PACRGL: variants seen among roughly 807,000 people sequenced by gnomAD.
PACRGL encodes parkin coregulated like, also known as PACRG-like protein.
Under a neutral mutation model 34.5 loss-of-function variants are expected in PACRGL, and 38 were observed. That is an observed-to-expected ratio of 1.10 (90% CI 0.85 to 1.44). The LOEUF (loss-of-function observed/expected upper bound fraction) is 1.44, where lower values mean the gene tolerates loss of function less well. Among genes scored for constraint, PACRGL ranks in the 40% most tolerant of loss-of-function variants. The probability of loss-of-function intolerance (pLI) is 0.00; values close to 1 mark genes in which losing one functional copy is unlikely to be tolerated. For synonymous variants in PACRGL, 128 were observed against 100.1 expected, an observed-to-expected ratio of 1.28 and a Z score of -1.66; for missense variants, 305 against 281.4, an observed-to-expected ratio of 1.08 and a Z score of -0.60.
chr4:20,756,400 C>A (rs1754450326), downstream of PACRGL, among the ~76,000 whole-genome samples: 1 of 152,108 alleles, frequency 6.6e-6, no homozygotes, highest in Non-Finnish European at 1.5e-5. Context: ...CTATTTATCT[C>A]TTTTCTTTTC....
Position 20,732,407 on chromosome 4 carries a change from A to G in PACRGL, c.*5066A>G, listed in dbSNP as rs2149264401. ...TGTAAAATGAGATTAATGAGGATTT[A>G]TAGGATTCTTGTAAAAACTGAATGA... On this transcript the variant is annotated 3_prime_UTR_variant, in exon 9 of 9. Transcript: ENST00000503585. 6.6e-6 allele frequency among the ~76,000 whole-genome samples: 1 copy of G among 152,332 alleles called. No individual in the cohort carries two copies. The highest frequency in any genetic ancestry group is 2.4e-5 in the African/African-American group (1 of 41,592).
chr4:20,756,714 T>C (rs1426317627), downstream of PACRGL, among the ~76,000 whole-genome samples: 3 of 151,948 alleles, frequency 2.0e-5, no homozygotes, highest in Non-Finnish European at 4.4e-5. Context: ...ATGACTCCCA[T>C]GTTGCCACAT....
intron 4 of PACRGL, among the ~76,000 whole-genome samples, chr4:20,709,434 C>T (rs1434191139): frequency 6.6e-6 from 1 of 152,162 alleles, no homozygotes; most frequent in Admixed American, 6.5e-5. Flanking sequence ...TGTTAAGATT[C>T]ACAGACAGCA....
the PACRGL span, among the ~76,000 whole-genome samples, chr4:20,760,565 A>G: frequency 1.3e-5 from 2 of 152,162 alleles, no homozygotes; most frequent in South Asian, 2.1e-4. Flanking sequence ...AACAGTTTCA[A>G]TGTGAATTTG....
At chr4:20,737,396 A>G (rs1306781410), downstream of PACRGL, among the ~76,000 whole-genome samples, 1 of 152,170 alleles carries the variant, frequency 6.6e-6, no homozygotes, top group Non-Finnish European at 1.5e-5. Flanking sequence ...GTAATTTTTA[A>G]TGAGGAGCAC....
rs1267404072 is a variant in PACRGL at position 20,728,561 on chromosome 4, TAATTAATTACAAAA to T, written c.*1221_*1234del. On this transcript the variant is annotated 3_prime_UTR_variant, in exon 9 of 9. Coordinates refer to ENST00000503585, the MANE Select transcript of PACRGL (RefSeq NM_001258345.3). ...GCCATCTAGAAAGTACTGTAAGATT[TAATTAATTACAAAA>T]TTTCTTGGAAAAGACCTGTAACATA... 4 of 152,538 alleles carry T rather than the reference TAATTAATTACAAAA, an allele frequency of 2.6e-5. No individual in the cohort carries two copies. Among genetic ancestry groups the T allele is most frequent in the African/African-American group, 4.8e-5 (2 of 41,460 alleles). The allele number at this position is 152,538 out of a possible 1,614,324, so 9.4% of individuals were successfully genotyped here.
downstream of PACRGL, among the ~76,000 whole-genome samples, chr4:20,733,487 A>G (rs1376331488): frequency 6.6e-6 from 1 of 152,214 alleles, no homozygotes; most frequent in Non-Finnish European, 1.5e-5. Flanking sequence ...AGGTTAATAC[A>G]GAGCGAATAT....
chr4:20,735,530 G>T (rs112577015), downstream of PACRGL, among the ~76,000 whole-genome samples: 1,116 of 109,628 alleles, frequency 0.01, 8 homozygotes, highest in African/African-American at 0.026. Context: ...TTTTTTTTTT[G>T]TTTTTTTTTT....
chr4:20,724,764 TAAGTTTA>T (rs1300675234), intron 7 of PACRGL, 37 bp from the exon 8 acceptor site: 8 of 1,183,282 alleles, frequency 6.8e-6, no homozygotes, highest in Non-Finnish European at 7.9e-6. Context: ...TGAGCATTGT[TAAGTTTA>T]AAGTCATTTC....
At chr4:20,717,083 GTGA>G (rs1293837056) in intron 7 of PACRGL, among the ~76,000 whole-genome samples, 7 of 152,204 alleles carry the variant, frequency 4.6e-5, no homozygotes, top group African/African-American at 1.7e-4. Context: ...TTAATGGCCA[GTGA>G]TGATGAGCAT....
intron 1 of PACRGL, among the ~76,000 whole-genome samples, chr4:20,703,782 A>G (rs913143474): frequency 6.6e-6 from 1 of 152,198 alleles, no homozygotes; most frequent in Non-Finnish European, 1.5e-5. Context: ...CATAAATTTC[A>G]TAATTGGTAG....
At chr4:20,725,858 G>A (rs1397706015) in intron 8 of PACRGL, among the ~76,000 whole-genome samples, 1 of 151,710 alleles carries the variant, frequency 6.6e-6, no homozygotes, top group Non-Finnish European at 1.5e-5. Context: ...TGTTGTGTTT[G>A]GGTCCTAGGC....
chr4:20,762,119 T>TC, the PACRGL span, among the ~76,000 whole-genome samples: 74 of 152,288 alleles, frequency 4.9e-4, no homozygotes, highest in African/African-American at 1.7e-3. Context: ...GGCTAGGAAG[T>TC]CTAAGACCAT....
rs1382961428 is a variant in PACRGL at position 20,728,946 on chromosome 4, A to AGCTAAATCATACTG, written c.*1606_*1619dup. On this transcript the variant is annotated 3_prime_UTR_variant, in exon 9 of 9. Transcript: ENST00000503585. Reference sequence around the variant, plus strand: ...ATTAAAAATAATCTGAATTATGATGAGCTAAATCATACTGTAATCTGGATT... The same window carrying AGCTAAATCATACTG: ...ATTAAAAATAATCTGAATTATGATGAGCTAAATCATACTGGCTAAATCATACTGTAATCTGGATT... The AGCTAAATCATACTG allele has an allele frequency of 6.6e-6, 1 of 152,112 alleles. No individual in the cohort carries two copies. The highest frequency in any genetic ancestry group is 1.5e-5 in the Non-Finnish European group (1 of 68,030). 9.4% of individuals were successfully genotyped at this position (152,112 alleles called of 1,614,324 possible).
chr4:20,761,310 C>T, the PACRGL span, among the ~76,000 whole-genome samples: 2 of 152,292 alleles, frequency 1.3e-5, no homozygotes, highest in Non-Finnish European at 2.9e-5. Flanking sequence ...CTCACACATC[C>T]TATTAGTTCC....
Position 20,709,682 on chromosome 4 carries a change from G to C in PACRGL, c.276-1G>C. The C allele has an allele frequency of 1.3e-6, 2 of 1,567,592 alleles. No homozygotes were observed. Among genetic ancestry groups the C allele is most frequent in the Non-Finnish European group, 1.7e-6 (2 of 1,152,446 alleles). On this transcript the variant is annotated splice_acceptor_variant, in intron 4 of 8. Transcript: ENST00000503585. LOFTEE classifies it high-confidence loss of function. ...TGCATTCACTAACTTTTATATTTTA[G>C]ATTGGTACATGGTTCAGTAAAACAC...
rs1747649817 is a variant in PACRGL at position 20,730,186 on chromosome 4, C to CTATT, written c.*2847_*2850dup. On this transcript the variant is annotated 3_prime_UTR_variant, in exon 9 of 9. Transcript: ENST00000503585. ...CAGCATATCTGCAAGGAAAAGTACACTATTTTGCCCCTGAGTATTGCCTCC... is the reference window on the plus strand; with the variant it reads ...CAGCATATCTGCAAGGAAAAGTACACTATTTATTTTGCCCCTGAGTATTGCCTCC... 6.5e-7 allele frequency: 1 copy of CTATT among 1,543,394 alleles called. No individual in the cohort carries two copies. Among genetic ancestry groups the CTATT allele is most frequent in the East Asian group, 2.4e-5 (1 of 42,478 alleles).
chr4:20,706,115 T>G (rs529956197), intron 3 of PACRGL, among the ~76,000 whole-genome samples: 9 of 151,900 alleles, frequency 5.9e-5, no homozygotes, highest in Non-Finnish European at 1.2e-4. Context: ...TGGGATAACA[T>G]TTTTCACTTT....
chr4:20,748,937 T>C (rs917779372), intron 8 of PACRGL, among the ~76,000 whole-genome samples: 13 of 150,628 alleles, frequency 8.6e-5, no homozygotes, highest in Non-Finnish European at 1.8e-4. Context: ...ATATAAGCTA[T>C]GTAAATATCT....
Sources: gnomAD v4.1 joint callset for allele counts (sites outside exome capture counted in the v4.1 genomes callset) on GRCh38, gnomAD v4.1.1 for gene constraint, MANE v1.5 for transcripts, NCBI Gene and HGNC (gene_info 2026-07-23, HGNC 2026-07-21) for gene names.